The following AFG2A variants were observed in gnomAD, a reference collection of about 807,000 sequenced individuals.
AFG2A encodes the protein ATPase family gene 2 protein homolog A.
At chr4:122,932,274 CAAA>C in the AFG2A span, among the ~76,000 whole-genome samples, 1 of 129,860 alleles carries the variant, frequency 7.7e-6, no homozygotes, top group African/African-American at 2.8e-5. Context: ...GACCTCATCT[CAAA>C]AAAAAAAAAA....
the AFG2A span, among the ~76,000 whole-genome samples, chr4:123,092,934 G>A: frequency 2.6e-5 from 4 of 152,118 alleles, no homozygotes; most frequent in South Asian, 6.2e-4. Flanking sequence ...CAGGAAATTT[G>A]TCCCTTTGGA....
the AFG2A span, among the ~76,000 whole-genome samples, chr4:123,161,178 A>AT: frequency 2.0e-5 from 3 of 152,058 alleles, no homozygotes; most frequent in African/African-American, 7.2e-5. Context: ...TGGTCACTGA[A>AT]TTTTTTTTGA....
chr4:123,247,578 T>G, the AFG2A span, among the ~76,000 whole-genome samples: 1 of 142,522 alleles, frequency 7.0e-6, no homozygotes, highest in Non-Finnish European at 1.5e-5. Flanking sequence ...CCCGGCTAAT[T>G]TTTATGTTTG....
chr4:123,077,048 T>G, the AFG2A span, among the ~76,000 whole-genome samples: 1 of 4,920 alleles, frequency 2.0e-4, no homozygotes, highest in Non-Finnish European at 6.8e-4. Context: ...CTGTTGTTGT[T>G]TTTTTTTTTT....
chr4:123,146,897 T>C, the AFG2A span, among the ~76,000 whole-genome samples: 9 of 152,302 alleles, frequency 5.9e-5, no homozygotes, highest in Non-Finnish European at 2.9e-5. Flanking sequence ...CAACCTATGC[T>C]GTCATGTCAC....
the AFG2A span, among the ~76,000 whole-genome samples, chr4:123,000,935 G>A: frequency 9.4e-6 from 1 of 105,990 alleles, no homozygotes; most frequent in Non-Finnish European, 2.1e-5. Flanking sequence ...ATCTGGTCCT[G>A]GACTCTTTTT....
At chr4:123,171,524 TAC>T in the AFG2A span, among the ~76,000 whole-genome samples, 3 of 151,954 alleles carry the variant, frequency 2.0e-5, no homozygotes, top group African/African-American at 7.2e-5. Context: ...AATTTGTTTA[TAC>T]ACACACACAC....
At chr4:123,253,177 T>A in the AFG2A span, among the ~76,000 whole-genome samples, 1 of 151,470 alleles carries the variant, frequency 6.6e-6, no homozygotes, top group African/African-American at 2.4e-5. Flanking sequence ...CCATCTTTAC[T>A]GAAAATACAA....
At chr4:123,242,169 A>G in the AFG2A span, among the ~76,000 whole-genome samples, 8 of 152,336 alleles carry the variant, frequency 5.3e-5, no homozygotes, top group Admixed American at 3.9e-4. Flanking sequence ...AATATTGTGA[A>G]AATATCCATA....
At chr4:123,124,073 A>G in the AFG2A span, among the ~76,000 whole-genome samples, 2 of 152,118 alleles carry the variant, frequency 1.3e-5, no homozygotes, top group Non-Finnish European at 2.9e-5. Context: ...TGTGGAAGAC[A>G]GTGTGGCAAT....
the AFG2A span, among the ~76,000 whole-genome samples, chr4:122,977,215 C>G: frequency 6.6e-6 from 1 of 152,188 alleles, no homozygotes; most frequent in Admixed American, 6.5e-5. Context: ...ATCCTCGGGC[C>G]CACTGGGCTT....
the AFG2A span, among the ~76,000 whole-genome samples, chr4:123,128,845 C>G: frequency 1.3e-5 from 2 of 152,094 alleles, no homozygotes; most frequent in African/African-American, 4.8e-5. Flanking sequence ...TTATTACTTA[C>G]AGTGATTTTG....
chr4:123,024,894 G>A, the AFG2A span, among the ~76,000 whole-genome samples: 1 of 152,308 alleles, frequency 6.6e-6, no homozygotes, highest in South Asian at 2.1e-4. Context: ...GTGGCAGACA[G>A]GCTCCTGGTC....
At chr4:123,070,639 C>T in the AFG2A span, among the ~76,000 whole-genome samples, 1 of 152,284 alleles carries the variant, frequency 6.6e-6, no homozygotes, top group African/African-American at 2.4e-5. Context: ...GACCTAATTA[C>T]CTCCTAGATA....
At chr4:123,042,206 A>G in the AFG2A span, among the ~76,000 whole-genome samples, 1 of 152,134 alleles carries the variant, frequency 6.6e-6, no homozygotes, top group Non-Finnish European at 1.5e-5. Context: ...AAACAACAGA[A>G]ATCTATTTCT....
the AFG2A span, among the ~76,000 whole-genome samples, chr4:123,017,964 AT>A: frequency 5.9e-5 from 9 of 152,182 alleles, no homozygotes; most frequent in Non-Finnish European, 1.2e-4. Flanking sequence ...AATTTTTCTA[AT>A]GTCTGTAGCT....
At chr4:123,269,323 C>T in the AFG2A span, among the ~76,000 whole-genome samples, 1 of 152,188 alleles carries the variant, frequency 6.6e-6, no homozygotes, top group Admixed American at 6.5e-5. Context: ...TTCCACAGAG[C>T]AGTTTAAAAA....
chr4:123,184,876 G>A, the AFG2A span, among the ~76,000 whole-genome samples: 1 of 152,180 alleles, frequency 6.6e-6, no homozygotes, highest in South Asian at 2.1e-4. Flanking sequence ...ACAGTGAAAA[G>A]CCATTAGTAA....
the AFG2A span, among the ~76,000 whole-genome samples, chr4:123,156,549 C>A: frequency 6.6e-6 from 1 of 151,982 alleles, no homozygotes; most frequent in Non-Finnish European, 1.5e-5. Context: ...CAATTGGGAA[C>A]TGCCTCAGTA....
Sources: gnomAD v4.1 joint callset for allele counts (sites outside exome capture counted in the v4.1 genomes callset) on GRCh38, gnomAD v4.1.1 for gene constraint, MANE v1.5 for transcripts, NCBI Gene and HGNC (gene_info 2026-07-23, HGNC 2026-07-21) for gene names.